Variants in TEX36 observed in about 807,000 individuals in gnomAD.
TEX36 encodes the protein testis expressed 36.
In TEX36, 12 loss-of-function variants were observed where a neutral mutation model predicts 13.6. The observed-to-expected ratio is 0.88, with a 90% CI of 0.56 to 1.43. The LOEUF is 1.43. Ranked by LOEUF, TEX36 falls within the 40% of genes most tolerant of loss-of-function variation. The probability of loss-of-function intolerance (pLI) is 0.00; values close to 1 mark genes in which losing one functional copy is unlikely to be tolerated. For synonymous variants in TEX36, 93 were observed against 83.0 expected (o/e 1.12, Z -0.65); for missense variants, 224 against 228.3 (o/e 0.98, Z 0.12).
At chr10:125,682,913 G>C in intron 1 of TEX36, 26 bp downstream of exon 1, 1 of 1,551,674 alleles carries the variant, frequency 6.4e-7, no homozygotes, top group East Asian at 2.4e-5. Context: ...CATGAGAAAG[G>C]CACCAGGGGC....
At chr10:125,681,702 GAATGAAAC>G (rs1847396520) in intron 1 of TEX36, among the ~76,000 whole-genome samples, 1 of 152,096 alleles carries the variant, frequency 6.6e-6, no homozygotes, top group African/African-American at 2.4e-5. Flanking sequence ...AATTTTTGTG[GAATGAAAC>G]AAGGTATACA....
At chr10:125,667,830 C>T (rs1223061744) in intron 1 of TEX36, 6 of 1,408,430 alleles carry the variant, frequency 4.3e-6, no homozygotes, top group African/African-American at 1.4e-5. Flanking sequence ...AGCCGCTTGG[C>T]AATGCTCCCA....
At chr10:125,622,578 T>C (rs1172353419) in intron 3 of TEX36, among the ~76,000 whole-genome samples, 1 of 152,214 alleles carries the variant, frequency 6.6e-6, no homozygotes, top group Non-Finnish European at 1.5e-5. Context: ...GGTCATTTGT[T>C]CCTGCCTGGA....
intron 3 of TEX36, among the ~76,000 whole-genome samples, chr10:125,630,427 G>A (rs1846538160): frequency 6.6e-6 from 1 of 152,124 alleles, no homozygotes. Flanking sequence ...CTGTTCATGT[G>A]GGCTAGTCTG....
chr10:125,620,946 A>G (rs1222193735), downstream of TEX36, among the ~76,000 whole-genome samples: 1 of 152,140 alleles, frequency 6.6e-6, no homozygotes. Context: ...ATGTTGTAGC[A>G]TGTGTCAGAA....
At chr10:125,604,863 T>C (rs550104927) in intron 3 of TEX36, among the ~76,000 whole-genome samples, 1 of 151,696 alleles carries the variant, frequency 6.6e-6, no homozygotes, top group South Asian at 2.1e-4. Flanking sequence ...CACTGTCTCC[T>C]ATTACCCCCA....
At chr10:125,677,912 C>T (rs1847335360) in intron 1 of TEX36, among the ~76,000 whole-genome samples, 1 of 152,106 alleles carries the variant, frequency 6.6e-6, no homozygotes, top group South Asian at 2.1e-4. Flanking sequence ...CAACTCCTGA[C>T]CTCAAATAAT....
chr10:125,610,441 T>A (rs904533824), intron 3 of TEX36, among the ~76,000 whole-genome samples: 2 of 151,980 alleles, frequency 1.3e-5, no homozygotes, highest in African/African-American at 4.8e-5. Flanking sequence ...GCACCTGAAG[T>A]CTTGTTAGAA....
intron 3 of TEX36, among the ~76,000 whole-genome samples, chr10:125,647,325 T>TC (rs1846785321): frequency 2.1e-5 from 3 of 144,950 alleles, no homozygotes; most frequent in African/African-American, 5.4e-5. Context: ...ATTTTACTCT[T>TC]AAAATATGCA....
At chr10:125,673,839 T>A (rs1012814380) in intron 1 of TEX36, among the ~76,000 whole-genome samples, 1 of 152,138 alleles carries the variant, frequency 6.6e-6, no homozygotes, top group African/African-American at 2.4e-5. Flanking sequence ...CCTTTCTTTC[T>A]GGCTGACCTT....
intron 1 of TEX36, among the ~76,000 whole-genome samples, chr10:125,669,447 TC>T (rs1272439904): frequency 6.6e-6 from 1 of 151,792 alleles, no homozygotes; most frequent in Admixed American, 6.6e-5. Flanking sequence ...GCCATTGCAC[TC>T]CAGCCTGGGC....
intron 3 of TEX36, among the ~76,000 whole-genome samples, chr10:125,597,082 G>A (rs749385963): frequency 1.3e-5 from 2 of 152,194 alleles, no homozygotes; most frequent in Non-Finnish European, 1.5e-5. Context: ...AGCCCTGCAG[G>A]TGACCACATG....
At chr10:125,578,915 C>T (rs1385015373) in intron 3 of TEX36, among the ~76,000 whole-genome samples, 1 of 152,200 alleles carries the variant, frequency 6.6e-6, no homozygotes, top group Non-Finnish European at 1.5e-5. Flanking sequence ...TCTACCTTTC[C>T]CCACATGCTG....
At chr10:125,622,059 A>T (rs1252317473) in intron 3 of TEX36, among the ~76,000 whole-genome samples, 1 of 152,190 alleles carries the variant, frequency 6.6e-6, no homozygotes, top group African/African-American at 2.4e-5. Context: ...CCATGTAGCC[A>T]TTCTTCAATC....
chr10:125,633,120 T>C lies in TEX36; in HGVS notation c.265-11475A>G, dbSNP rs148286293. ...ATCTGGGTGACAGAATGAGACCCTGTCTCAAAAAAAAAAAAATTATATGCA... is the reference window on the plus strand; with the variant it reads ...ATCTGGGTGACAGAATGAGACCCTGCCTCAAAAAAAAAAAAATTATATGCA... On this transcript the variant is annotated intron_variant, in intron 3 of 3. Coordinates refer to the TEX36 transcript ENST00000526819. Among the ~76,000 whole-genome samples, 909 of 151,218 alleles carry C rather than the reference T, an allele frequency of 6.0e-3. 9 individuals carry two copies. The highest frequency in any genetic ancestry group is 0.021 in the African/African-American group (860 of 40,938).
chr10:125,607,666 G>C (rs7916886), intron 3 of TEX36, among the ~76,000 whole-genome samples: 1,800 of 151,934 alleles, frequency 0.012, 38 homozygotes, highest in African/African-American at 0.041. Flanking sequence ...GTGACTCCCC[G>C]ACTAGCTGGT....
intron 3 of TEX36, among the ~76,000 whole-genome samples, chr10:125,628,272 G>C (rs1404626565): frequency 1.3e-5 from 2 of 152,306 alleles, no homozygotes; most frequent in Non-Finnish European, 1.5e-5. Context: ...CTAACAGGCT[G>C]CAAAGCAGCG....
downstream of TEX36, among the ~76,000 whole-genome samples, chr10:125,654,173 TTTTTA>T (rs1439161029): frequency 1.6e-4 from 24 of 152,230 alleles, 1 homozygote; most frequent in African/African-American, 5.1e-4. Context: ...TAGAACTTTC[TTTTTA>T]TTTTATAGAA....
chr10:125,592,358 C>T (rs994958475), intron 3 of TEX36, among the ~76,000 whole-genome samples: 2 of 152,080 alleles, frequency 1.3e-5, no homozygotes, highest in South Asian at 2.1e-4. Flanking sequence ...TTCTGACCTC[C>T]GTGTAACGAC....
Sources: gnomAD v4.1 joint callset for allele counts (sites outside exome capture counted in the v4.1 genomes callset) on GRCh38, gnomAD v4.1.1 for gene constraint, MANE v1.5 for transcripts, NCBI Gene and HGNC (gene_info 2026-07-23, HGNC 2026-07-21) for gene names.